Variants in ST8SIA3 observed in about 807,000 individuals in gnomAD.
The protein encoded by ST8SIA3 is ST8 alpha-N-acetyl-neuraminide alpha-2,8-sialyltransferase 3, also known as alpha-N-acetylneuraminate alpha-2,8-sialyltransferase ST8SIA3.
Under a neutral mutation model 34.5 loss-of-function variants are expected in ST8SIA3, and 17 were observed. The ratio of observed to expected loss-of-function variants is 0.49; its 90% CI spans 0.34 to 0.74. The LOEUF is 0.74. Among genes scored for constraint, ST8SIA3 ranks in the 30% least tolerant of loss-of-function variants. The pLI, the probability that ST8SIA3 is intolerant of heterozygous loss-of-function variation, is 0.01. For synonymous variants in ST8SIA3, 172 were observed against 176.1 expected (o/e 0.98, Z 0.19); for missense variants, 354 against 467.8 (o/e 0.76, Z 2.24).
At chr18:57,358,828 C>A (rs371465454) in intron 3 of ST8SIA3, among the ~76,000 whole-genome samples, 8 of 152,180 alleles carry the variant, frequency 5.3e-5, no homozygotes, top group African/African-American at 1.9e-4. Context: ...GTCCCATGGT[C>A]TTTTGATCTC....
chr18:57,352,846 G>A lies in ST8SIA3; in HGVS notation c.-1G>A, dbSNP rs767856897. On this transcript the variant is annotated 5_prime_UTR_variant, in exon 1 of 4. Transcript: ENST00000324000. ...TTTCCCTGAACCCAGCCCAGCCCGG[G>A]ATGAGAAACTGCAAAATGGCCCGGG... 6.2e-7 allele frequency: 1 copy of A among 1,613,362 alleles called. No individual in the cohort carries two copies. Among genetic ancestry groups the A allele is most frequent in the Admixed American group, 1.7e-5 (1 of 60,016 alleles).
At position 57,352,625 on chromosome 18, in the gene ST8SIA3, A is replaced by T. The variant is rs1411209393; in HGVS notation, c.-222A>T. On this transcript the variant is annotated 5_prime_UTR_variant, in exon 1 of 4. Transcript: ENST00000324000. ...CACCGGGCCCCGCGCGCCCCTGCCTACGGGGTCCCGCTGCTCTCCGGGGCT... is the reference window on the plus strand; with the variant it reads ...CACCGGGCCCCGCGCGCCCCTGCCTTCGGGGTCCCGCTGCTCTCCGGGGCT... 1.8e-6 allele frequency: 1 copy of T among 551,562 alleles called. No individual in the cohort carries two copies. 34.2% of individuals were successfully genotyped at this position (551,562 alleles called of 1,614,324 possible). A position where few individuals can be genotyped will look rare whatever the true frequency, so the allele number is the denominator to read the frequency against.
At position 57,360,331 on chromosome 18, in the gene ST8SIA3, T is replaced by C; in HGVS notation, c.*54T>C. On this transcript the variant is annotated 3_prime_UTR_variant, in exon 4 of 4. Coordinates refer to ENST00000324000, the MANE Select transcript of ST8SIA3 (RefSeq NM_015879.3). ...TGTTTAAAAAGTGCCCCAAATCAAA[T>C]TGAATAGCCTTCAGAATAGAACCCT... The C allele has an allele frequency of 2.0e-6, 3 of 1,523,610 alleles. No homozygotes were observed. Among genetic ancestry groups the C allele is most frequent in the Non-Finnish European group, 2.7e-6 (3 of 1,116,958 alleles). The allele number at this position is 1,523,610 out of a possible 1,614,324, so 94.4% of individuals were successfully genotyped here. A position where few individuals can be genotyped will look rare whatever the true frequency, so the allele number is the denominator to read the frequency against.
In ST8SIA3 at chr18:57,364,648, G is replaced by A. The variant is rs533049288; in HGVS notation, c.*4371G>A. 1 of 152,566 alleles carries A rather than the reference G, an allele frequency of 6.6e-6. No homozygotes were observed. Among genetic ancestry groups the A allele is most frequent in the East Asian group, 1.9e-4 (1 of 5,172 alleles). The allele number at this position is 152,566 out of a possible 1,614,324, so 9.5% of individuals were successfully genotyped here. On this transcript the variant is annotated 3_prime_UTR_variant, in exon 4 of 4. Transcript: ENST00000324000. ...CTGGCAGCCCAGATAGAGCACTCTG[G>A]GTGCTGGGGATTGAGGGCACCTTGG...
intron 1 of ST8SIA3, 45 bp from the exon 2 acceptor site, chr18:57,354,357 C>A: frequency 1.9e-6 from 3 of 1,610,420 alleles, no homozygotes; most frequent in Non-Finnish European, 1.7e-6. Context: ...TCGGCTTCCC[C>A]GAGCTGAGGC....
chr18:57,353,680 C>A (rs1346347480), intron 1 of ST8SIA3, among the ~76,000 whole-genome samples: 1 of 152,146 alleles, frequency 6.6e-6, no homozygotes, highest in African/African-American at 2.4e-5. Context: ...TCGGAGTCAC[C>A]GCTCCGCGCT....
In ST8SIA3 at chr18:57,357,310, A is replaced by G. The variant is rs777077945; in HGVS notation, c.700A>G (p.Ser234Gly). 2.9e-5 allele frequency: 46 copies of G among 1,614,028 alleles called. No homozygotes were observed. The highest frequency in any genetic ancestry group is 3.9e-5 in the Non-Finnish European group (46 of 1,179,976). ...TCAGGACCGTAACAACTTTTTCCTC[A>G]GTTTAAAAAAGCTTGACGGGGCCAT... ...TIQDRNNFFLSLKKLDGAILW... is the reference protein window; with the variant it reads ...TIQDRNNFFLGLKKLDGAILW... The change falls in exon 3 of 4, where the codon AGT (serine) becomes GGT (glycine). Residue 234 changes from serine to glycine, a missense_variant. By Grantham distance (56) the Ser-to-Gly change is moderately conservative. This residue lies in a region of ST8SIA3 where 166 missense variants were observed against 245.2 expected (regional missense o/e 0.68). Coordinates refer to ENST00000324000, the MANE Select transcript of ST8SIA3 (RefSeq NM_015879.3).
chr18:57,368,179 G>A lies in ST8SIA3; in HGVS notation c.*7902G>A, dbSNP rs540578621. The A allele has an allele frequency of 2.6e-5, 4 of 152,296 alleles. No individual in the cohort carries two copies. Among genetic ancestry groups the A allele is most frequent in the Admixed American group, 1.3e-4 (2 of 15,292 alleles). 9.4% of individuals were successfully genotyped at this position (152,296 alleles called of 1,614,324 possible). A position where few individuals can be genotyped will look rare whatever the true frequency, so the allele number is the denominator to read the frequency against. ...CTGTGCTGCTTCCATTAGTTAGATG[G>A]ACATTGACAATTAATTGTGAAAGCA... On this transcript the variant is annotated 3_prime_UTR_variant, in exon 4 of 4. Transcript: ENST00000324000.
chr18:57,359,711 C>T (rs2049818820), intron 3 of ST8SIA3, among the ~76,000 whole-genome samples: 1 of 152,172 alleles, frequency 6.6e-6, no homozygotes, highest in Admixed American at 6.5e-5. Flanking sequence ...CAGGAAATCC[C>T]ATGCTCAGAA....
chr18:57,354,760 G>C (rs3826648), intron 2 of ST8SIA3, among the ~76,000 whole-genome samples: 6,510 of 138,348 alleles, frequency 0.047, 586 homozygotes, highest in East Asian at 0.38. Flanking sequence ...GGACCAATTT[G>C]AATAGCAAAA....
chr18:57,356,796 C>CT, intron 2 of ST8SIA3, 117 bp from the exon 3 acceptor site: 1 of 678,588 alleles, frequency 1.5e-6, no homozygotes. Context: ...TATGTATAAT[C>CT]TTTTTTGGAT....
chr18:57,356,684 A>G (rs2049799300), intron 2 of ST8SIA3, among the ~76,000 whole-genome samples: 2 of 152,228 alleles, frequency 1.3e-5, no homozygotes, highest in African/African-American at 4.8e-5. Flanking sequence ...TAAAACTGTA[A>G]GTTGCATTTA....
intron 2 of ST8SIA3, 64 bp from the exon 3 acceptor site, chr18:57,356,849 G>A (rs2049800386): frequency 2.8e-6 from 3 of 1,054,722 alleles, no homozygotes; most frequent in South Asian, 1.6e-5. Context: ...GTCAGCATAA[G>A]TCATAAGATG....
rs1205594621 is a variant in ST8SIA3, at chr18:57,363,277, T to C, written c.*3000T>C. 6.6e-6 allele frequency: 1 copy of C among 152,222 alleles called. No individual in the cohort carries two copies. Among genetic ancestry groups the C allele is most frequent in the Non-Finnish European group, 1.5e-5 (1 of 68,034 alleles). The allele number at this position is 152,222 out of a possible 1,614,324, so 9.4% of individuals were successfully genotyped here. ...CTGTTTTCACTGGTTATTCTGAGTG[T>C]CATATGCAGATGCAGATCCAAGGGA... On this transcript the variant is annotated 3_prime_UTR_variant, in exon 4 of 4. Transcript: ENST00000324000.
Position 57,360,231 on chromosome 18 carries a change from T to G in ST8SIA3, c.1097T>G (p.Met366Arg). ...GCTGAGTTTCAGCTGCTGTACCGAATGCATGGGGAAGGGCTCACCAAGCTG... is the reference window on the plus strand; with the variant it reads ...GCTGAGTTTCAGCTGCTGTACCGAAGGCATGGGGAAGGGCTCACCAAGCTG... ...LPAEFQLLYR[M>R]HGEGLTKLTL... Residue 366 changes from methionine to arginine, a missense_variant, in exon 4 of 4, where the codon ATG (methionine) becomes AGG (arginine). By Grantham distance (91) the Met-to-Arg change is moderately conservative (BLOSUM62 -1). Coordinates refer to ENST00000324000, the MANE Select transcript of ST8SIA3 (RefSeq NM_015879.3). 6.2e-7 allele frequency: 1 copy of G among 1,614,058 alleles called. No homozygotes were observed. The highest frequency in any genetic ancestry group is 1.3e-5 in the African/African-American group (1 of 75,040).
rs1282909624 is a variant in ST8SIA3 at position 57,359,949 on chromosome 18, CTT to C, written c.861-44_861-43del. ...GTCAGATAGACCTTGCTGATTGAAA[CTT>C]TCAACGCTGACCTCTGAATCCAAAT... On this transcript the variant is annotated intron_variant, in intron 3 of 3. Transcript: ENST00000324000. The C allele has an allele frequency of 1.9e-6, 3 of 1,563,426 alleles. No homozygotes were observed. The African/African-American group carries it at 4.1e-5, about 21-fold the overall frequency.
In ST8SIA3 at chr18:57,357,123, G is replaced by C. The variant is rs376349666; in HGVS notation, c.513G>C (p.Leu171=). 1.2e-6 allele frequency: 2 copies of C among 1,613,928 alleles called. No individual in the cohort carries two copies. The highest frequency in any genetic ancestry group is 2.7e-5 in the African/African-American group (2 of 74,934). ...CTGTGGTTGGAAATAGTGGGATCCT[G>C]ACAGGGAGCCAGTGTGGACAAGAAA... The part of the protein sequence containing the change: ...ICAVVGNSGI[L]TGSQCGQEID... The change falls in exon 3 of 4, where the codon CTG becomes CTC. Residue 171 remains leucine, a synonymous_variant. Transcript: ENST00000324000.
In ST8SIA3 at chr18:57,360,305, C is replaced by A; in HGVS notation, c.*28C>A. On this transcript the variant is annotated 3_prime_UTR_variant, in exon 4 of 4. Coordinates refer to ENST00000324000, the MANE Select transcript of ST8SIA3 (RefSeq NM_015879.3). ...ACTCCAAACGGAAAGCGCCAAATGG[C>A]TGTTTAAAAAGTGCCCCAAATCAAA... 1 of 1,598,648 alleles carries A rather than the reference C, an allele frequency of 6.3e-7. No individual in the cohort carries two copies. Among genetic ancestry groups the A allele is most frequent in the Non-Finnish European group, 8.5e-7 (1 of 1,170,576 alleles).
chr18:57,354,371 CA>C, intron 1 of ST8SIA3, 30 bp from the exon 2 acceptor site: 1 of 1,613,266 alleles, frequency 6.2e-7, no homozygotes, highest in Non-Finnish European at 8.5e-7. Context: ...CTGAGGCCAG[CA>C]CGCTTGTCTG....
Sources: gnomAD v4.1 joint callset for allele counts (sites outside exome capture counted in the v4.1 genomes callset) on GRCh38, gnomAD v4.1.1 for gene constraint, gnomAD v4.1.1 regional missense constraint, MANE v1.5 for transcripts, NCBI Gene and HGNC (gene_info 2026-07-23, HGNC 2026-07-21) for gene names.